Variants in RPUSD2 observed in about 807,000 individuals in gnomAD.
RPUSD2 encodes the protein pseudouridylate synthase RPUSD2.
In RPUSD2, 31 loss-of-function variants were observed where a neutral mutation model predicts 41.5. That is an observed-to-expected ratio of 0.75 (90% confidence interval 0.56 to 1.01). RPUSD2 has a LOEUF of 1.01. Ranked by LOEUF, RPUSD2 falls within the 50% of genes least tolerant of loss-of-function variation. The pLI is 0.00. For missense variants in RPUSD2, 749 were observed against 724.7 expected (o/e 1.03, Z -0.38); for synonymous variants, 305 against 289.7 (o/e 1.05, Z -0.54).
Position 40,573,020 on chromosome 15 carries a change from CTTTTTTT to C in RPUSD2, c.904-492_904-486del, listed in dbSNP as rs398026953. Among the ~76,000 whole-genome samples the C allele has an allele frequency of 1.1e-4, 11 of 96,756 alleles. No individual in the cohort carries two copies. The East Asian group carries it at 2.4e-3, about 21-fold the overall frequency. The allele number at this position is 96,756 out of a possible 152,430, so 63.5% of individuals were successfully genotyped here. A position where few individuals can be genotyped will look rare whatever the true frequency, so the allele number is the denominator to read the frequency against. ...GAGGTAAATGCTTTTCTTTTCTTTT[CTTTTTTT>C]TTTTTTTTTTTTTTGAGATGGAGTT... is the stretch of plus-strand genomic sequence containing the variant. On this transcript the variant is annotated intron_variant, in intron 2 of 2. Transcript: ENST00000315616.
In RPUSD2 at chr15:40,571,852, G is replaced by T; in HGVS notation, c.855G>T (p.Lys285Asn). 6.2e-7 allele frequency: 1 copy of T among 1,614,082 alleles called. No homozygotes were observed. The highest frequency in any genetic ancestry group is 1.1e-5 in the South Asian group (1 of 91,090). ...RLTSGVLMFA[K>N]TAAVSERIHE... is the part of the protein sequence containing the mutation. ...CCTCAGGGGTGCTTATGTTTGCCAA[G>T]ACAGCTGCAGTCTCTGAGAGAATTC... is the stretch of plus-strand genomic sequence containing the variant. Residue 285 changes from lysine to asparagine, a missense_variant, in exon 2 of 3, where the codon AAG becomes AAT. Coordinates refer to ENST00000315616, the MANE Select transcript of RPUSD2 (RefSeq NM_152260.3).
chr15:40,571,095 C>T (rs1377730543), intron 1 of RPUSD2, among the ~76,000 whole-genome samples: 2 of 151,850 alleles, frequency 1.3e-5, no homozygotes, highest in Admixed American at 1.3e-4. Context: ...CAGGTTCAAG[C>T]GATTCTCCTG....
intron 1 of RPUSD2, 144 bp downstream of exon 1, chr15:40,570,087 G>A: frequency 3.3e-6 from 4 of 1,205,250 alleles, no homozygotes; most frequent in Non-Finnish European, 3.3e-6. Flanking sequence ...CTTTCATTTG[G>A]AACACTATTT....
intron 2 of RPUSD2, 63 bp from the exon 3 acceptor site, chr15:40,573,462 CAA>C (rs1891183003): frequency 6.5e-7 from 1 of 1,538,716 alleles, no homozygotes; most frequent in Non-Finnish European, 8.8e-7. Flanking sequence ...TATCACTCCA[CAA>C]AGAGTTTGGA....
chr15:40,570,802 T>C (rs1390625079), intron 1 of RPUSD2, among the ~76,000 whole-genome samples: 3 of 152,098 alleles, frequency 2.0e-5, no homozygotes, highest in African/African-American at 7.2e-5. Flanking sequence ...GGTCTAACCC[T>C]CACATTCCAC....
rs1461007543 is a variant in RPUSD2, at chr15:40,574,090, T to C, written c.1467T>C (p.Asp489=). ...ALASEKAVET[D]VMNQETDPLC... ...CATCAGAGAAGGCAGTTGAAACAGA[T>C]GTCATGAATCAAGAGACAGACCCAC... Residue 489 remains aspartate (D), a synonymous_variant, in exon 3 of 3, where the codon GAT becomes GAC. Coordinates refer to ENST00000315616, the MANE Select transcript of RPUSD2 (RefSeq NM_152260.3). The C allele has an allele frequency of 3.8e-5, 61 of 1,614,006 alleles. No homozygotes were observed. Among genetic ancestry groups the C allele is most frequent in the Non-Finnish European group, 5.0e-5 (59 of 1,180,034 alleles).
intron 2 of RPUSD2, among the ~76,000 whole-genome samples, chr15:40,572,529 C>T (rs1168975791): frequency 6.7e-6 from 1 of 150,098 alleles, no homozygotes; most frequent in Non-Finnish European, 1.5e-5. Context: ...CGCGCCACCG[C>T]ACTCCAGCCT....
At chr15:40,573,021 T>TTTC (rs1491568049) in intron 2 of RPUSD2, among the ~76,000 whole-genome samples, 1 of 11,424 alleles carries the variant, frequency 8.8e-5, no homozygotes, top group Non-Finnish European at 3.5e-4. Flanking sequence ...TTTTCTTTTC[T>TTTC]TTTTTTTTTT....
rs755795345 is a variant in RPUSD2 at position 40,574,312 on chromosome 15, A to G, written c.*51A>G. 24 of 1,569,678 alleles carry G rather than the reference A, an allele frequency of 1.5e-5. No individual in the cohort carries two copies. In the Admixed American group the frequency reaches 1.7e-4, roughly 11 times the overall value. On this transcript the variant is annotated 3_prime_UTR_variant, in exon 3 of 3. Coordinates refer to ENST00000315616, the MANE Select transcript of RPUSD2 (RefSeq NM_152260.3). ...TCTTGGGTTGTGACAAGGATGGGCT[A>G]TAGGGCAAGGGCTGACCCCATGGGC... is the stretch of plus-strand genomic sequence containing the variant.
intron 1 of RPUSD2, among the ~76,000 whole-genome samples, chr15:40,570,801 C>T (rs1891119695): frequency 6.6e-6 from 1 of 152,142 alleles, no homozygotes; most frequent in African/African-American, 2.4e-5. Context: ...TGGTCTAACC[C>T]TCACATTCCA....
At chr15:40,570,082 A>T in intron 1 of RPUSD2, 139 bp downstream of exon 1, 2 of 1,204,732 alleles carry the variant, frequency 1.7e-6, no homozygotes, top group East Asian at 2.7e-5. Context: ...TCTCGCTTTC[A>T]TTTGGAACAC....
In RPUSD2 at chr15:40,569,801, G is replaced by A. The variant is rs1359416388; in HGVS notation, c.464G>A (p.Gly155Asp). Residue 155 changes from glycine (G) to aspartate (D), a missense_variant, in exon 1 of 3, where the codon GGT (glycine) becomes GAT (aspartate). By Grantham distance (94) the Gly-to-Asp change is moderately conservative. Coordinates refer to ENST00000315616, the MANE Select transcript of RPUSD2 (RefSeq NM_152260.3). The stretch of plus-strand genomic sequence containing the variant: ...TTTGACTTCCGGACCTACTGCAAAG[G>A]TCGCTGGGTGGGCCACAGCTTGCTG... ...YYFDFRTYCK[G>D]RWVGHSLLHV... The A allele has an allele frequency of 6.2e-7, 1 of 1,613,326 alleles. No individual in the cohort carries two copies. The highest frequency in any genetic ancestry group is 8.5e-7 in the Non-Finnish European group (1 of 1,179,752).
Position 40,569,775 on chromosome 15 carries a change from C to A in RPUSD2, c.438C>A (p.Tyr146Ter). The change falls in exon 1 of 3, where the codon TAC becomes TAA. Residue 146 changes from tyrosine (Y) to a stop codon, truncating the protein, a stop_gained. Transcript: ENST00000315616. LOFTEE classifies it high-confidence loss of function. ...GCCTGCGTAAGGTGCGGCCCTATTA[C>A]TTTGACTTCCGGACCTACTGCAAAG... ...EGGLRKVRPY[Y>*]FDFRTYCKGR... is the part of the protein sequence containing the mutation. 1 of 1,611,938 alleles carries A rather than the reference C, an allele frequency of 6.2e-7. No homozygotes were observed. The highest frequency in any genetic ancestry group is 8.5e-7 in the Non-Finnish European group (1 of 1,179,152).
Position 40,569,880 on chromosome 15 carries a change from G to C in RPUSD2, c.543G>C (p.Ala181=), listed in dbSNP as rs2959540. ...AGCCCCTGGCCTACTATGAGGCCGCGGTCCGGGCGGGCCGCCTGCAACTCA... is the reference window on the plus strand; with the variant it reads ...AGCCCCTGGCCTACTATGAGGCCGCCGTCCGGGCGGGCCGCCTGCAACTCA... The part of the protein sequence containing the change: ...RAQPLAYYEA[A]VRAGRLQLNE... The change falls in exon 1 of 3, where the codon GCG becomes GCC. Residue 181 remains alanine, a synonymous_variant. Transcript: ENST00000315616. The C allele has an allele frequency of 2.0e-3, 3,247 of 1,592,128 alleles. 57 individuals carry two copies. The African/African-American group carries it at 0.039, about 19-fold the overall frequency.
Position 40,574,407 on chromosome 15 carries a change from T to C in RPUSD2, c.*146T>C. The C allele has an allele frequency of 1.1e-6, 1 of 903,786 alleles. No individual in the cohort carries two copies. Among genetic ancestry groups the C allele is most frequent in the Middle Eastern group, 3.7e-4 (1 of 2,698 alleles). 56.0% of individuals were successfully genotyped at this position (903,786 alleles called of 1,614,324 possible). Reference sequence around the variant, plus strand: ...GACCTGCTCATACTTGCTACCTCCTTCCAGTGGGAATTTGGAGACTTTTTG... The same window carrying C: ...GACCTGCTCATACTTGCTACCTCCTCCCAGTGGGAATTTGGAGACTTTTTG... On this transcript the variant is annotated 3_prime_UTR_variant, in exon 3 of 3. Coordinates refer to ENST00000315616, the MANE Select transcript of RPUSD2 (RefSeq NM_152260.3).
intron 2 of RPUSD2, 142 bp downstream of exon 2, chr15:40,572,042 A>ACCTAAAGTG (rs1891154012): frequency 1.2e-6 from 1 of 850,842 alleles, no homozygotes; most frequent in Non-Finnish European, 1.8e-6. Flanking sequence ...GCAGGTCAAC[A>ACCTAAAGTG]CCTAAAGTGC....
Position 40,569,305 on chromosome 15 carries a change from C to G in RPUSD2, c.-33C>G, listed in dbSNP as rs201565827. 90 of 1,432,754 alleles carry G rather than the reference C, an allele frequency of 6.3e-5. No homozygotes were observed. Among genetic ancestry groups the G allele is most frequent in the Non-Finnish European group, 7.8e-5 (85 of 1,090,046 alleles). The allele number at this position is 1,432,754 out of a possible 1,614,324, so 88.8% of individuals were successfully genotyped here. ...GGGGCCGAGTGACGTCCTCAGATCG[C>G]GACCCTGGGAGTGGAGTGGGGGCAG... is the stretch of plus-strand genomic sequence containing the variant. On this transcript the variant is annotated 5_prime_UTR_variant, in exon 1 of 3. Transcript: ENST00000315616.
Position 40,569,614 on chromosome 15 carries a change from GC to G in RPUSD2, c.281del (p.Pro94GlnfsTer28). On this transcript the variant is annotated frameshift_variant, in exon 1 of 3. Transcript: ENST00000315616. LOFTEE classifies it high-confidence loss of function. ...PVGGEHPSAA[A>X]PGPGKHKKRR... ...AGGCGGGGAGCATCCCTCGGCTGCA[GC>G]CCCAGGCCCGGGCAAGCATAAGAAG... 1 of 1,536,008 alleles carries G rather than the reference GC, an allele frequency of 6.5e-7. No homozygotes were observed. Among genetic ancestry groups the G allele is most frequent in the Non-Finnish European group, 8.8e-7 (1 of 1,140,304 alleles).
rs780528924 is a variant in RPUSD2, at chr15:40,569,555, A to G, written c.218A>G (p.Lys73Arg). Residue 73 changes from lysine to arginine, a missense_variant, in exon 1 of 3, where the codon AAG becomes AGG. Physicochemically the swap from Lys to Arg is conservative, Grantham distance 26. Transcript: ENST00000315616. ...GTTGAGCTGTCCCCCGGGCCCCCGA[A>G]GCCGGCTGGCCGGGAAGTGGAGCCG... ...AKVELSPGPPKPAGREVEPAP... is the reference protein window; with the variant it reads ...AKVELSPGPPRPAGREVEPAP... The G allele has an allele frequency of 2.0e-6, 3 of 1,533,884 alleles. No individual in the cohort carries two copies. Among genetic ancestry groups the G allele is most frequent in the Non-Finnish European group, 2.6e-6 (3 of 1,143,762 alleles).
Sources: gnomAD v4.1 joint callset for allele counts (sites outside exome capture counted in the v4.1 genomes callset) on GRCh38, gnomAD v4.1.1 for gene constraint, MANE v1.5 for transcripts, NCBI Gene and HGNC (gene_info 2026-07-23, HGNC 2026-07-21) for gene names.